Variants in CDK14 observed in about 807,000 individuals in gnomAD.
CDK14 encodes cyclin-dependent kinase 14.
A neutral mutation model predicts 60.7 loss-of-function variants in CDK14; 34 were observed. That is an observed-to-expected ratio of 0.56 (90% CI 0.43 to 0.75). CDK14 has a LOEUF of 0.75. Ranked by LOEUF, CDK14 falls within the 30% of genes least tolerant of loss-of-function variation. The pLI is 0.00. For missense variants in CDK14, 482 were observed against 564.1 expected (o/e 0.85, Z 1.47); for synonymous variants, 197 against 203.7 (o/e 0.97, Z 0.28).
chr7:90,854,178 TATTCACATAC>T (rs1171022096), intron 5 of CDK14, among the ~76,000 whole-genome samples: 2 of 152,190 alleles, frequency 1.3e-5, no homozygotes, highest in Non-Finnish European at 2.9e-5. Context: ...CAACAATAGC[TATTCACATAC>T]ATTCATTTAA....
chr7:90,902,204 C>T (rs1313702022), intron 7 of CDK14, among the ~76,000 whole-genome samples: 1 of 152,014 alleles, frequency 6.6e-6, no homozygotes, highest in Non-Finnish European at 1.5e-5. Context: ...TACAATTCCT[C>T]AAAATACCAA....
At chr7:90,963,411 A>C (rs1794661741) in intron 9 of CDK14, among the ~76,000 whole-genome samples, 1 of 152,012 alleles carries the variant, frequency 6.6e-6, no homozygotes. Flanking sequence ...TGAGACCTAC[A>C]AAAATAAAAA....
intron 2 of CDK14, among the ~76,000 whole-genome samples, chr7:90,661,286 A>G (rs1476614586): frequency 6.6e-6 from 1 of 152,130 alleles, no homozygotes. Flanking sequence ...CTTCATTTCT[A>G]TTTTAGAAGT....
At chr7:90,674,078 A>G (rs1482084510) in intron 2 of CDK14, among the ~76,000 whole-genome samples, 3 of 152,244 alleles carry the variant, frequency 2.0e-5, no homozygotes, top group Admixed American at 6.5e-5. Context: ...CTCTAGTTCT[A>G]TAGTGAGATA....
chr7:90,926,013 G>T (rs1324290893), intron 8 of CDK14, among the ~76,000 whole-genome samples: 1 of 151,928 alleles, frequency 6.6e-6, no homozygotes, highest in African/African-American at 2.4e-5. Context: ...ATATACTTTG[G>T]GCCAGAGATG....
intron 2 of CDK14, chr7:90,709,957 G>A (rs550682521): frequency 5.9e-4 from 643 of 1,087,174 alleles, no homozygotes; most frequent in Non-Finnish European, 6.9e-4. Flanking sequence ...ACAGCAAAAC[G>A]GTAAGACAGA....
At chr7:90,730,051 T>A (rs1040679054) in intron 3 of CDK14, among the ~76,000 whole-genome samples, 10 of 152,118 alleles carry the variant, frequency 6.6e-5, no homozygotes, top group African/African-American at 2.2e-4. Context: ...TTCCCCTCCC[T>A]GTGTCCATGT....
intron 2 of CDK14, among the ~76,000 whole-genome samples, chr7:90,608,755 G>A (rs981362167): frequency 6.6e-6 from 1 of 152,146 alleles, no homozygotes; most frequent in African/African-American, 2.4e-5. Context: ...TTGTGAAGTA[G>A]AAGGCTGCTA....
chr7:90,887,631 C>T (rs543824643), intron 6 of CDK14, among the ~76,000 whole-genome samples: 1 of 152,196 alleles, frequency 6.6e-6, no homozygotes, highest in East Asian at 1.9e-4. Context: ...CAACTTTTGC[C>T]CCATAAGTAA....
intron 9 of CDK14, among the ~76,000 whole-genome samples, chr7:90,968,212 A>C (rs1794815204): frequency 6.6e-6 from 1 of 152,222 alleles, no homozygotes; most frequent in Admixed American, 6.5e-5. Context: ...GGGTTTTTAA[A>C]AAAAATTTAT....
chr7:90,726,763 C>T lies in CDK14; in HGVS notation c.320C>T (p.Ser107Phe). ...NNACINFKTSSTGKESPKVRR... is the reference protein window; with the variant it reads ...NNACINFKTSFTGKESPKVRR... The stretch of plus-strand genomic sequence containing the variant: ...GCTTGCATTAACTTTAAGACCTCCT[C>T]CACTGGCAAAGAGTCACCTAAAGTT... The change falls in exon 3 of 15, where the codon TCC (serine) becomes TTC (phenylalanine). Residue 107 changes from serine to phenylalanine, a missense_variant. Transcript: ENST00000380050. The T allele has an allele frequency of 1.2e-6, 2 of 1,613,732 alleles. No individual in the cohort carries two copies. The highest frequency in any genetic ancestry group is 1.1e-5 in the South Asian group (1 of 91,080).
At chr7:91,070,595 C>T (rs1476486963) in intron 11 of CDK14, among the ~76,000 whole-genome samples, 2 of 151,914 alleles carry the variant, frequency 1.3e-5, no homozygotes, top group Non-Finnish European at 2.9e-5. Flanking sequence ...TTCACCTCTA[C>T]CAAAAAAATT....
intron 8 of CDK14, among the ~76,000 whole-genome samples, chr7:90,923,331 G>A (rs144109528): frequency 0.028 from 4,281 of 152,054 alleles, 100 homozygotes; most frequent in South Asian, 0.1. Context: ...GAATGGTCTC[G>A]ATCTCCTGAC....
chr7:90,814,330 C>T (rs532169175), intron 5 of CDK14, among the ~76,000 whole-genome samples: 26 of 152,154 alleles, frequency 1.7e-4, no homozygotes, highest in African/African-American at 6.0e-4. Context: ...TGATGCTATC[C>T]AGCTGTCCTG....
At chr7:90,644,850 T>G (rs1326404950) in intron 2 of CDK14, among the ~76,000 whole-genome samples, 2 of 152,190 alleles carry the variant, frequency 1.3e-5, no homozygotes, top group Non-Finnish European at 2.9e-5. Flanking sequence ...TTACAATTTA[T>G]TGAACTAAAA....
chr7:90,802,015 G>T (rs1788657003), intron 5 of CDK14, among the ~76,000 whole-genome samples: 1 of 152,168 alleles, frequency 6.6e-6, no homozygotes, highest in Non-Finnish European at 1.5e-5. Context: ...TGAGAGAGTG[G>T]GCACAGATGG....
At chr7:90,944,312 T>C (rs987989817) in intron 8 of CDK14, among the ~76,000 whole-genome samples, 3 of 152,174 alleles carry the variant, frequency 2.0e-5, no homozygotes, top group Non-Finnish European at 4.4e-5. Flanking sequence ...ACAAGTGCGA[T>C]CTGCCAAAGG....
chr7:91,177,508 G>T (rs1801814676), intron 14 of CDK14, among the ~76,000 whole-genome samples: 2 of 151,998 alleles, frequency 1.3e-5, no homozygotes, highest in African/African-American at 4.8e-5. Context: ...TAGGAAAAGA[G>T]GAAGTCAGAT....
At chr7:90,910,682 A>T (rs183151116) in intron 7 of CDK14, among the ~76,000 whole-genome samples, 1 of 152,298 alleles carries the variant, frequency 6.6e-6, no homozygotes, top group African/African-American at 2.4e-5. Flanking sequence ...TCTTAATTGT[A>T]GTGTCAGAGT....
Sources: gnomAD v4.1 joint callset for allele counts (sites outside exome capture counted in the v4.1 genomes callset) on GRCh38, gnomAD v4.1.1 for gene constraint, MANE v1.5 for transcripts, NCBI Gene and HGNC (gene_info 2026-07-23, HGNC 2026-07-21) for gene names.